Variants in FHIT observed in about 807,000 individuals in gnomAD.
FHIT encodes the protein bis(5'-adenosyl)-triphosphatase.
Under a neutral mutation model 17.9 loss-of-function variants are expected in FHIT, and 19 were observed. The observed-to-expected ratio is 1.06, with a 90% CI of 0.74 to 1.56. FHIT has a LOEUF of 1.56. Ranked by LOEUF, FHIT falls within the 40% of genes most tolerant of loss-of-function variation. The pLI, the probability that FHIT is intolerant of heterozygous loss-of-function variation, is 0.00. For synonymous variants in FHIT, 81 were observed against 69.7 expected (o/e 1.16, Z -0.81); for missense variants, 248 against 189.2 (o/e 1.31, Z -1.82).
chr3:60,993,745 A>C (rs2030446657), intron 3 of FHIT, among the ~76,000 whole-genome samples: 1 of 152,258 alleles, frequency 6.6e-6, no homozygotes. Context: ...TTCATTCCAA[A>C]ACTCTTTTTT....
chr3:60,744,278 A>C (rs1359967982), intron 4 of FHIT, among the ~76,000 whole-genome samples: 2 of 148,738 alleles, frequency 1.3e-5, no homozygotes, highest in African/African-American at 4.9e-5. Context: ...CAAAAAAAAA[A>C]AAAAACAGAA....
At chr3:60,278,259 A>C (rs1270534066) in intron 5 of FHIT, among the ~76,000 whole-genome samples, 3 of 152,276 alleles carry the variant, frequency 2.0e-5, no homozygotes, top group African/African-American at 7.2e-5. Flanking sequence ...GGGAAGAGAA[A>C]AAGTAACCAT....
At chr3:60,573,913 G>C (rs112812146) in intron 4 of FHIT, among the ~76,000 whole-genome samples, 3,018 of 152,078 alleles carry the variant, frequency 0.02, 50 homozygotes, top group Non-Finnish European at 0.032. Flanking sequence ...AGGTTCAAGT[G>C]ATTATCCTGC....
chr3:60,468,537 A>T (rs1056777321), intron 5 of FHIT, among the ~76,000 whole-genome samples: 15 of 152,142 alleles, frequency 9.9e-5, no homozygotes, highest in Admixed American at 5.9e-4. Flanking sequence ...TAAACAGATG[A>T]CAACACTGAT....
chr3:60,018,134 T>C (rs193073298), intron 5 of FHIT, among the ~76,000 whole-genome samples: 1 of 152,294 alleles, frequency 6.6e-6, no homozygotes, highest in East Asian at 1.9e-4. Context: ...GATGCTTCCA[T>C]TCATGGCAGA....
intron 4 of FHIT, among the ~76,000 whole-genome samples, chr3:60,547,647 T>A (rs967091830): frequency 3.9e-5 from 6 of 152,204 alleles, no homozygotes; most frequent in African/African-American, 1.4e-4. Flanking sequence ...CTACCTCCTA[T>A]AAACTACCTT....
At chr3:60,175,767 A>T (rs1200119600) in intron 5 of FHIT, among the ~76,000 whole-genome samples, 1 of 152,202 alleles carries the variant, frequency 6.6e-6, no homozygotes, top group African/African-American at 2.4e-5. Flanking sequence ...CCAAGTTAGA[A>T]GCTGAAGCAT....
chr3:60,558,374 G>T (rs374216259), intron 4 of FHIT, among the ~76,000 whole-genome samples: 1 of 151,738 alleles, frequency 6.6e-6, no homozygotes, highest in Non-Finnish European at 1.5e-5. Flanking sequence ...CTGAAGTAGG[G>T]TTGCTCCCAA....
chr3:60,428,031 C>T (rs2107285231), intron 5 of FHIT, among the ~76,000 whole-genome samples: 1 of 152,146 alleles, frequency 6.6e-6, no homozygotes. Context: ...TTTTCTATTC[C>T]CAATAGGTAC....
rs545955144 is a variant in FHIT, at chr3:61,096,421, T to TTATC, written c.-163-54323_-163-54322insGATA. On this transcript the variant is annotated intron_variant, in intron 2 of 9. Transcript: ENST00000492590. ...GCATATGAACTTTCTGGTGGCAGAA[T>TTATC]GATAAGAGTCCTGGGACACAGTTAG... Among the ~76,000 whole-genome samples the TTATC allele has an allele frequency of 2.6e-5, 4 of 152,314 alleles. No individual in the cohort carries two copies. The South Asian group carries it at 8.3e-4, about 32-fold the overall frequency.
chr3:60,122,991 T>G (rs546115533), intron 5 of FHIT, among the ~76,000 whole-genome samples: 1 of 152,324 alleles, frequency 6.6e-6, no homozygotes, highest in South Asian at 2.1e-4. Context: ...TGCCTTGTAA[T>G]GGGCTGGTAT....
intron 4 of FHIT, among the ~76,000 whole-genome samples, chr3:60,623,570 TACCA>T: frequency 6.6e-6 from 1 of 152,206 alleles, no homozygotes; most frequent in Non-Finnish European, 1.5e-5. Flanking sequence ...AACTCGCACA[TACCA>T]AAGTTTAAGT....
At chr3:59,774,209 T>C (rs1361174298) in intron 8 of FHIT, among the ~76,000 whole-genome samples, 1 of 152,204 alleles carries the variant, frequency 6.6e-6, no homozygotes, top group Non-Finnish European at 1.5e-5. Context: ...AAGGGGCTTT[T>C]ATTGGAACAC....
intron 3 of FHIT, among the ~76,000 whole-genome samples, chr3:60,980,831 C>T (rs932766944): frequency 6.6e-6 from 1 of 152,070 alleles, no homozygotes; most frequent in African/African-American, 2.4e-5. Flanking sequence ...TGAGCAGTTG[C>T]CAATAGTAAA....
intron 4 of FHIT, among the ~76,000 whole-genome samples, chr3:60,797,705 A>G (rs1701033402): frequency 6.7e-6 from 1 of 149,740 alleles, no homozygotes; most frequent in Admixed American, 6.8e-5. Context: ...CACATTGGCA[A>G]CTAGATGGGC....
chr3:60,911,459 C>A (rs926109858), intron 3 of FHIT, among the ~76,000 whole-genome samples: 7 of 151,946 alleles, frequency 4.6e-5, no homozygotes, highest in Non-Finnish European at 7.4e-5. Flanking sequence ...GAAGAGCAGT[C>A]ATGTCTACAG....
intron 5 of FHIT, among the ~76,000 whole-genome samples, chr3:60,465,213 G>C (rs2107426854): frequency 6.6e-6 from 1 of 151,878 alleles, no homozygotes; most frequent in East Asian, 1.9e-4. Flanking sequence ...TTTTTAATCA[G>C]ATTATTAGAT....
At chr3:60,536,448 T>C (rs115643364) in intron 5 of FHIT, 413 of 158,746 alleles carry the variant, frequency 2.6e-3, no homozygotes, top group African/African-American at 9.3e-3. Flanking sequence ...TCCTCACATA[T>C]CTTACTTCCA....
intron 2 of FHIT, among the ~76,000 whole-genome samples, chr3:61,119,178 C>A (rs2036384098): frequency 6.6e-6 from 1 of 152,150 alleles, no homozygotes; most frequent in African/African-American, 2.4e-5. Context: ...CTCACTTCAG[C>A]CAGGTCATTC....
Sources: gnomAD v4.1 joint callset for allele counts (sites outside exome capture counted in the v4.1 genomes callset) on GRCh38, gnomAD v4.1.1 for gene constraint, MANE v1.5 for transcripts, NCBI Gene and HGNC (gene_info 2026-07-23, HGNC 2026-07-21) for gene names.